CHN1: variants seen among roughly 807,000 people sequenced by gnomAD.
CHN1 encodes the protein chimerin 1, also known as N-chimaerin.
In CHN1, 37 loss-of-function variants were observed where a neutral mutation model predicts 59.5. That is an observed-to-expected ratio of 0.62 (90% CI 0.48 to 0.82). The LOEUF (loss-of-function observed/expected upper bound fraction) is 0.82, where lower values mean the gene tolerates loss of function less well. Ranked by LOEUF, CHN1 falls within the 40% of genes least tolerant of loss-of-function variation. The pLI, the probability that CHN1 is intolerant of heterozygous loss-of-function variation, is 0.00. For missense variants in CHN1, 469 were observed against 571.0 expected, an observed-to-expected ratio of 0.82 and a Z score of 1.82; for synonymous variants, 206 against 200.4, an observed-to-expected ratio of 1.03 and a Z score of -0.24.
intron 5 of CHN1, among the ~76,000 whole-genome samples, chr2:174,881,452 G>T (rs1479203304): frequency 6.6e-6 from 1 of 152,094 alleles, no homozygotes; most frequent in Non-Finnish European, 1.5e-5. Flanking sequence ...GTCAGATTCT[G>T]CATCTAAAAA....
intron 5 of CHN1, among the ~76,000 whole-genome samples, chr2:174,905,844 C>T (rs1244253902): frequency 6.6e-6 from 1 of 152,130 alleles, no homozygotes; most frequent in Admixed American, 6.6e-5. Context: ...AGGTGTGAGC[C>T]ACCGCGCCCA....
chr2:174,970,635 G>A (rs955352184), intron 1 of CHN1, among the ~76,000 whole-genome samples: 1 of 152,156 alleles, frequency 6.6e-6, no homozygotes, highest in Non-Finnish European at 1.5e-5. Context: ...TTTTTGAAAT[G>A]ACAAACGTAG....
chr2:174,834,849 T>G (rs1205429926), intron 7 of CHN1, among the ~76,000 whole-genome samples: 2 of 152,242 alleles, frequency 1.3e-5, no homozygotes, highest in South Asian at 2.1e-4. Flanking sequence ...AGTGTGAGTA[T>G]GCACATTTAA....
intron 5 of CHN1, among the ~76,000 whole-genome samples, chr2:174,886,777 T>TA (rs1687908085): frequency 6.6e-6 from 1 of 152,154 alleles, no homozygotes; most frequent in South Asian, 2.1e-4. Flanking sequence ...GTTTAGGACT[T>TA]AGTGTTCATT....
intron 5 of CHN1, among the ~76,000 whole-genome samples, 159 bp downstream of exon 5, chr2:174,914,899 G>A (rs1205948099): frequency 6.7e-6 from 1 of 149,912 alleles, no homozygotes; most frequent in African/African-American, 2.5e-5. Flanking sequence ...TACCATTCAC[G>A]AGGAATTTTT....
intron 1 of CHN1, among the ~76,000 whole-genome samples, chr2:174,972,719 T>C (rs926435856): frequency 1.3e-5 from 2 of 152,150 alleles, no homozygotes; most frequent in African/African-American, 4.8e-5. Flanking sequence ...TAAAGTCAGG[T>C]TGATTCAGTG....
rs542958011 is a variant in CHN1 at position 174,969,811 on chromosome 2, G to C, written c.20-17609C>G. On this transcript the variant is annotated intron_variant, in intron 1 of 12. Transcript: ENST00000409900. Reference sequence around the variant, plus strand: ...AGCTCGATGAGGGCAGGATTTTTTTGTCATCTGTTGTCACACTGCTGTGTT... The same window carrying C: ...AGCTCGATGAGGGCAGGATTTTTTTCTCATCTGTTGTCACACTGCTGTGTT... Among the ~76,000 whole-genome samples, 4 of 151,714 alleles carry C rather than the reference G, an allele frequency of 2.6e-5. No homozygotes were observed. The East Asian group carries it at 7.8e-4, about 29-fold the overall frequency.
intron 11 of CHN1, among the ~76,000 whole-genome samples, chr2:174,807,135 AAGG>A (rs1422215768): frequency 1.3e-5 from 2 of 152,194 alleles, no homozygotes; most frequent in Non-Finnish European, 2.9e-5. Context: ...GGATAATAAA[AAGG>A]AGAGATTTTC....
At chr2:174,850,637 C>T (rs1208027659) in intron 6 of CHN1, among the ~76,000 whole-genome samples, 2 of 152,120 alleles carry the variant, frequency 1.3e-5, no homozygotes, top group East Asian at 3.9e-4. Context: ...CAGGTCCCTG[C>T]CCTCAAGGAG....
chr2:174,946,506 TAA>T (rs113791534), intron 2 of CHN1, among the ~76,000 whole-genome samples: 131 of 152,256 alleles, frequency 8.6e-4, no homozygotes, highest in African/African-American at 2.7e-3. Context: ...CAAAAATCCC[TAA>T]GAGAGGTAAT....
chr2:174,925,185 A>G (rs937376192), intron 3 of CHN1, among the ~76,000 whole-genome samples: 1 of 152,226 alleles, frequency 6.6e-6, no homozygotes. Context: ...ATTCCTAGCC[A>G]TGATGGGAAG....
chr2:174,882,765 G>T (rs1687775542), intron 5 of CHN1, among the ~76,000 whole-genome samples: 1 of 152,088 alleles, frequency 6.6e-6, no homozygotes, highest in African/African-American at 2.4e-5. Context: ...TAATCTAATG[G>T]TGAAATATAA....
chr2:174,947,762 G>A (rs1429807390), intron 2 of CHN1, among the ~76,000 whole-genome samples: 1 of 152,028 alleles, frequency 6.6e-6, no homozygotes, highest in Non-Finnish European at 1.5e-5. Context: ...GGGATTACAG[G>A]TGTGAGCCAC....
intron 6 of CHN1, among the ~76,000 whole-genome samples, chr2:174,850,212 T>G (rs1686684175): frequency 6.6e-6 from 1 of 152,208 alleles, no homozygotes; most frequent in South Asian, 2.1e-4. Flanking sequence ...ACATGCTACC[T>G]CATATCAGTT....
At chr2:174,869,877 G>A (rs1187855803) in intron 6 of CHN1, among the ~76,000 whole-genome samples, 1 of 152,118 alleles carries the variant, frequency 6.6e-6, no homozygotes, top group East Asian at 1.9e-4. Context: ...GTGGGTGAAA[G>A]GAACAGGGGT....
chr2:174,854,500 C>T (rs1447576449), intron 6 of CHN1, among the ~76,000 whole-genome samples: 2 of 152,136 alleles, frequency 1.3e-5, no homozygotes, highest in African/African-American at 4.8e-5. Context: ...ATTGAGCTAG[C>T]GTCTCATTTT....
intron 3 of CHN1, among the ~76,000 whole-genome samples, chr2:174,939,443 C>T (rs1689593309): frequency 6.6e-6 from 1 of 152,188 alleles, no homozygotes; most frequent in South Asian, 2.1e-4. Context: ...TCAATCAGCA[C>T]TGCAATCTAC....
At chr2:174,984,121 G>C (rs535516210) in intron 1 of CHN1, among the ~76,000 whole-genome samples, 30 of 151,178 alleles carry the variant, frequency 2.0e-4, no homozygotes, top group Non-Finnish European at 4.0e-4. Flanking sequence ...ACTAGAAATA[G>C]GCACGTTTGA....
intron 2 of CHN1, 150 bp from the exon 3 acceptor site, chr2:174,945,093 T>G: frequency 1.7e-6 from 1 of 574,320 alleles, no homozygotes; most frequent in Non-Finnish European, 3.1e-6. Flanking sequence ...ACAAAAAAAG[T>G]AAACAAAACT....
Sources: gnomAD v4.1 joint callset for allele counts (sites outside exome capture counted in the v4.1 genomes callset) on GRCh38, gnomAD v4.1.1 for gene constraint, MANE v1.5 for transcripts, NCBI Gene and HGNC (gene_info 2026-07-23, HGNC 2026-07-21) for gene names.